Variants in PRDM14 observed in about 807,000 individuals in gnomAD.
The protein encoded by PRDM14 is PR/SET domain 14, also known as PR domain zinc finger protein 14.
A neutral mutation model predicts 48.0 loss-of-function variants in PRDM14; 16 were observed. That is an observed-to-expected ratio of 0.33 (90% confidence interval 0.23 to 0.51). The LOEUF (loss-of-function observed/expected upper bound fraction) is 0.51, where lower values mean the gene tolerates loss of function less well. Among genes scored for constraint, PRDM14 ranks in the 20% least tolerant of loss-of-function variants. The pLI, the probability that PRDM14 is intolerant of heterozygous loss-of-function variation, is 0.97. For synonymous variants in PRDM14, 264 were observed against 276.6 expected (o/e 0.95, Z 0.45); for missense variants, 566 against 719.6 (o/e 0.79, Z 2.44).
chr8:70,057,773 CT>C (rs1187403327), intron 6 of PRDM14, among the ~76,000 whole-genome samples: 3 of 152,104 alleles, frequency 2.0e-5, no homozygotes, highest in Non-Finnish European at 4.4e-5. Context: ...TTTTTAAATC[CT>C]TTTAGAATTA....
At chr8:70,055,171 A>G (rs1480923716) in intron 7 of PRDM14, 129 bp downstream of exon 7, 2 of 524,500 alleles carry the variant, frequency 3.8e-6, no homozygotes, top group Non-Finnish European at 6.8e-6. Flanking sequence ...AGGGGTGGAA[A>G]TGAGGACTGG....
In PRDM14 at chr8:70,069,333, C is replaced by G. The variant is rs774593313; in HGVS notation, c.528G>C (p.Lys176Asn). 4.4e-5 allele frequency: 71 copies of G among 1,611,364 alleles called. No individual in the cohort carries two copies. The highest frequency in any genetic ancestry group is 5.5e-5 in the Non-Finnish European group (65 of 1,178,738). ...AGGGTTTGGGACCATCCTCTGACTGCTTGCTGGGTGAGCAAGGTAATAACT... is the reference window on the plus strand; with the variant it reads ...AGGGTTTGGGACCATCCTCTGACTGGTTGCTGGGTGAGCAAGGTAATAACT... The part of the protein sequence containing the change: ...TSQLLPCSPS[K>N]QSEDGPKPSN... Residue 176 changes from lysine to asparagine, a missense_variant, in exon 2 of 8, where the codon AAG becomes AAC. Coordinates refer to ENST00000276594, the MANE Select transcript of PRDM14 (RefSeq NM_024504.4).
At chr8:70,066,173 G>A in intron 5 of PRDM14, 62 bp downstream of exon 5, 2 of 1,557,868 alleles carry the variant, frequency 1.3e-6, no homozygotes, top group Non-Finnish European at 1.7e-6. Context: ...AGGGTTTGTG[G>A]AAAAGAGCCC....
chr8:70,068,028 C>A (rs1314809943), intron 4 of PRDM14, among the ~76,000 whole-genome samples: 1 of 152,154 alleles, frequency 6.6e-6, no homozygotes, highest in Non-Finnish European at 1.5e-5. Flanking sequence ...ACCCACAAAA[C>A]ACAGAATTCA....
chr8:70,057,330 A>ATT (rs879939829), intron 6 of PRDM14, among the ~76,000 whole-genome samples: 6 of 119,190 alleles, frequency 5.0e-5, no homozygotes, highest in Non-Finnish European at 5.4e-5. Context: ...ATAAGACAAT[A>ATT]TTTTTTTTTT....
At chr8:70,058,317 A>G (rs1217190449) in intron 6 of PRDM14, among the ~76,000 whole-genome samples, 1 of 152,192 alleles carries the variant, frequency 6.6e-6, no homozygotes, top group East Asian at 1.9e-4. Flanking sequence ...TGCCACCAGT[A>G]TAAATCAGAC....
At chr8:70,068,906 AC>A (rs1175079116) in intron 2 of PRDM14, among the ~76,000 whole-genome samples, 1 of 152,172 alleles carries the variant, frequency 6.6e-6, no homozygotes, top group Admixed American at 6.5e-5. Flanking sequence ...TAGAATCTGA[AC>A]CTACCTGGGA....
At chr8:70,063,585 G>A (rs1201998105) in intron 5 of PRDM14, among the ~76,000 whole-genome samples, 5 of 151,790 alleles carry the variant, frequency 3.3e-5, no homozygotes, top group Non-Finnish European at 7.4e-5. Flanking sequence ...GTGCAGTGGC[G>A]CCATCTCAGC....
At chr8:70,054,648 AGCTGGGATTACAGGAACGT>A (rs56089840) in intron 7 of PRDM14, among the ~76,000 whole-genome samples, 27,321 of 150,718 alleles carry the variant, frequency 0.18, 2,829 homozygotes, top group East Asian at 0.37. Context: ...CCTCCCAAGT[AGCTGGGATTACAGGAACGT>A]GCCACCATGC....
chr8:70,065,754 T>C (rs1294054481), intron 5 of PRDM14, among the ~76,000 whole-genome samples: 1 of 151,612 alleles, frequency 6.6e-6, no homozygotes, highest in Non-Finnish European at 1.5e-5. Context: ...TTCCCATCAA[T>C]ATTTTCTATT....
intron 2 of PRDM14, 64 bp downstream of exon 2, chr8:70,069,097 A>G: frequency 7.7e-7 from 1 of 1,306,576 alleles, no homozygotes; most frequent in Non-Finnish European, 1.0e-6. Context: ...CTCTTCCCGG[A>G]CACTCCCGTT....
intron 1 of PRDM14, 26 bp from the exon 2 acceptor site, chr8:70,069,910 G>T (rs1303464721): frequency 1.4e-6 from 2 of 1,425,408 alleles, no homozygotes; most frequent in Non-Finnish European, 1.9e-6. Flanking sequence ...CGCCGCTGAG[G>T]ACACCGCGCG....
chr8:70,067,311 G>A (rs1205876402), intron 4 of PRDM14, among the ~76,000 whole-genome samples: 1 of 152,074 alleles, frequency 6.6e-6, no homozygotes, highest in Admixed American at 6.6e-5. Flanking sequence ...ATGAGGTCAG[G>A]AGTTCGAGAC....
chr8:70,055,582 T>C (rs569092896), intron 6 of PRDM14, among the ~76,000 whole-genome samples, 181 bp from the exon 7 acceptor site: 12 of 151,908 alleles, frequency 7.9e-5, no homozygotes, highest in Admixed American at 3.3e-4. Flanking sequence ...CACGGTTCAC[T>C]GCAGCCTGGA....
At chr8:70,068,149 C>G in intron 4 of PRDM14, 81 bp downstream of exon 4, 1 of 1,534,326 alleles carries the variant, frequency 6.5e-7, no homozygotes, top group Non-Finnish European at 9.0e-7. Flanking sequence ...CAGGACTCTC[C>G]CAAAAGGGCA....
At chr8:70,069,100 C>CTCCCGTTCCCGCCTGCAT (rs1363463836) in intron 2 of PRDM14, 61 bp downstream of exon 2, 1 of 1,350,200 alleles carries the variant, frequency 7.4e-7, no homozygotes. Flanking sequence ...TTCCCGGACA[C>CTCCCGTTCCCGCCTGCAT]TCCCGTTCCC....
In PRDM14 at chr8:70,069,747, G is replaced by C. The variant is rs1474984283; in HGVS notation, c.114C>G (p.His38Gln). The change falls in exon 2 of 8, where the codon CAC becomes CAG. Residue 38 changes from histidine to glutamine, a missense_variant. His to Gln is a conservative substitution (Grantham distance 24). Coordinates refer to ENST00000276594, the MANE Select transcript of PRDM14 (RefSeq NM_024504.4). ...AYYTPFPSYGHYRNSLATVEE... is the reference protein window; with the variant it reads ...AYYTPFPSYGQYRNSLATVEE... ...CCACGGTGGCCAGGCTGTTTCTGTA[G>C]TGTCCATAGGACGGGAAAGGCGTGT... is the stretch of plus-strand genomic sequence containing the variant. 6.2e-7 allele frequency: 1 copy of C among 1,605,328 alleles called. No homozygotes were observed. The highest frequency in any genetic ancestry group is 2.2e-5 in the East Asian group (1 of 44,712).
intron 4 of PRDM14, 107 bp downstream of exon 4, chr8:70,068,123 G>T: frequency 8.0e-7 from 1 of 1,247,368 alleles, no homozygotes; most frequent in Non-Finnish European, 1.1e-6. Flanking sequence ...TGCCCTGGAT[G>T]TCCTCTCTCT....
chr8:70,056,227 C>A (rs1325232641), intron 6 of PRDM14, among the ~76,000 whole-genome samples: 1 of 152,082 alleles, frequency 6.6e-6, no homozygotes, highest in Non-Finnish European at 1.5e-5. Context: ...GTTTCTTGAC[C>A]CTGGCAACTC....
Sources: gnomAD v4.1 joint callset for allele counts (sites outside exome capture counted in the v4.1 genomes callset) on GRCh38, gnomAD v4.1.1 for gene constraint, MANE v1.5 for transcripts, NCBI Gene and HGNC (gene_info 2026-07-23, HGNC 2026-07-21) for gene names.